Variants in FBLIM1 observed in about 807,000 individuals in gnomAD.
FBLIM1 encodes filamin binding LIM protein 1.
In FBLIM1, 29 loss-of-function variants were observed where a neutral mutation model predicts 37.4. That is an observed-to-expected ratio of 0.77 (90% CI 0.58 to 1.06). FBLIM1 has a LOEUF of 1.06. Among genes scored for constraint, FBLIM1 ranks in the 50% least tolerant of loss-of-function variants. FBLIM1 has a pLI of 0.00. For missense variants in FBLIM1, 449 were observed against 505.6 expected, an observed-to-expected ratio of 0.89 and a Z score of 1.07; for synonymous variants, 193 against 199.0, an observed-to-expected ratio of 0.97 and a Z score of 0.25.
At chr1:15,775,867 T>C (rs757080454) in intron 7 of FBLIM1, among the ~76,000 whole-genome samples, 65 of 152,188 alleles carry the variant, frequency 4.3e-4, no homozygotes, top group Non-Finnish European at 7.9e-4. Context: ...CTTTTCTTCC[T>C]CCAGGATGGA....
At chr1:15,764,900 T>G (rs1447999223) in intron 2 of FBLIM1, 64 bp from the exon 3 acceptor site, 6 of 1,519,676 alleles carry the variant, frequency 3.9e-6, no homozygotes, top group Non-Finnish European at 5.3e-6. Flanking sequence ...GGCTCTCTCC[T>G]CTCGGGGGAG....
intron 8 of FBLIM1, 127 bp downstream of exon 8, chr1:15,777,414 A>T (rs539165445): frequency 1.2e-5 from 7 of 599,562 alleles, no homozygotes. Context: ...GTCTAGTAGG[A>T]GAAACAAAAG....
intron 8 of FBLIM1, among the ~76,000 whole-genome samples, chr1:15,781,217 G>T (rs536910253): frequency 6.6e-6 from 1 of 152,170 alleles, no homozygotes; most frequent in East Asian, 1.9e-4. Flanking sequence ...AATTACCTGG[G>T]TGTGGTGGCG....
At chr1:15,760,890 C>A (rs1032461553) in intron 1 of FBLIM1, among the ~76,000 whole-genome samples, 1 of 152,158 alleles carries the variant, frequency 6.6e-6, no homozygotes, top group African/African-American at 2.4e-5. Context: ...ACAGCCTGCT[C>A]CCAGCTGAAT....
chr1:15,768,456 C>A, intron 4 of FBLIM1, 72 bp from the exon 5 acceptor site: 1 of 1,071,072 alleles, frequency 9.3e-7, no homozygotes, highest in Non-Finnish European at 1.3e-6. Context: ...CCTGTTACCA[C>A]CCAGATGAGG....
At chr1:15,768,971 C>T (rs1375604076) in intron 5 of FBLIM1, among the ~76,000 whole-genome samples, 2 of 152,124 alleles carry the variant, frequency 1.3e-5, no homozygotes, top group Non-Finnish European at 2.9e-5. Flanking sequence ...CAACCTGCCC[C>T]ATCCCCCTAC....
chr1:15,774,378 T>G (rs888891362), intron 6 of FBLIM1, among the ~76,000 whole-genome samples: 2 of 152,226 alleles, frequency 1.3e-5, no homozygotes, highest in Non-Finnish European at 2.9e-5. Context: ...TAACAAGAAA[T>G]GCAGCCATAG....
In FBLIM1 at chr1:15,765,957, C is replaced by A. The variant is rs1171138326; in HGVS notation, c.250+724C>A. Among the ~76,000 whole-genome samples, 1 of 152,162 alleles carries A rather than the reference C, an allele frequency of 6.6e-6. No homozygotes were observed. Among genetic ancestry groups the A allele is most frequent in the Non-Finnish European group, 1.5e-5 (1 of 68,034 alleles). ...TCCTGACTCCGTGAGCTCATCGGAG[C>A]CTCTTTCTCTCACTTCCGCTGAGTC... On this transcript the variant is annotated intron_variant, in intron 3 of 8. Transcript: ENST00000375766. The surrounding 1 kb of genome is among the most constrained non-coding windows in gnomAD (Gnocchi z 5.9).
chr1:15,763,476 C>A (rs2068774194), intron 1 of FBLIM1, among the ~76,000 whole-genome samples: 1 of 150,242 alleles, frequency 6.7e-6, no homozygotes. Flanking sequence ...ACTAAAAATA[C>A]AAAAACAAAA....
chr1:15,762,821 C>G (rs1336827494), intron 1 of FBLIM1, among the ~76,000 whole-genome samples: 1 of 152,256 alleles, frequency 6.6e-6, no homozygotes, highest in Non-Finnish European at 1.5e-5. Flanking sequence ...TTCGTCCACC[C>G]TTGGCAGCAG....
At chr1:15,778,055 G>T (rs1189928930) in intron 8 of FBLIM1, among the ~76,000 whole-genome samples, 6 of 152,190 alleles carry the variant, frequency 3.9e-5, no homozygotes, top group Non-Finnish European at 8.8e-5. Context: ...AAGCCAGACA[G>T]TCCCTAGAAG....
chr1:15,783,898 A>G (rs1328356440), intron 8 of FBLIM1, among the ~76,000 whole-genome samples: 2 of 152,162 alleles, frequency 1.3e-5, no homozygotes, highest in African/African-American at 4.8e-5. Flanking sequence ...TATGTTCTAA[A>G]GGGGTTATTG....
At chr1:15,783,928 A>G (rs1443787619) in intron 8 of FBLIM1, among the ~76,000 whole-genome samples, 1 of 152,198 alleles carries the variant, frequency 6.6e-6, no homozygotes, top group Non-Finnish European at 1.5e-5. Flanking sequence ...GCACTGGCTC[A>G]CACCTGTAAT....
intron 8 of FBLIM1, 107 bp from the exon 9 acceptor site, chr1:15,784,441 C>T: frequency 1.2e-6 from 1 of 823,902 alleles, no homozygotes; most frequent in Non-Finnish European, 2.0e-6. Flanking sequence ...TTAGGAAGGG[C>T]ATCCACTCAT....
intron 8 of FBLIM1, among the ~76,000 whole-genome samples, chr1:15,781,119 A>G (rs1002003339): frequency 1.3e-5 from 2 of 152,104 alleles, no homozygotes; most frequent in Non-Finnish European, 2.9e-5. Flanking sequence ...TGGTGATCCC[A>G]GCACTTTGGG....
At chr1:15,764,900 T>A (rs1447999223) in intron 2 of FBLIM1, 64 bp from the exon 3 acceptor site, 1 of 1,519,676 alleles carries the variant, frequency 6.6e-7, no homozygotes, top group South Asian at 1.3e-5. Flanking sequence ...GGCTCTCTCC[T>A]CTCGGGGGAG....
intron 8 of FBLIM1, among the ~76,000 whole-genome samples, chr1:15,777,640 C>T (rs2069532497): frequency 6.9e-6 from 1 of 145,628 alleles, no homozygotes; most frequent in South Asian, 2.2e-4. Flanking sequence ...GTGGTGCGAT[C>T]TCAGCTCACT....
At position 15,785,008 on chromosome 1, in the gene FBLIM1, G is replaced by A. The variant is rs531087845; in HGVS notation, c.*347G>A. On this transcript the variant is annotated 3_prime_UTR_variant, in exon 9 of 9. Transcript: ENST00000375766. ...CCAGCCTCGCCTGTGGGGTTGAGCT[G>A]TTTGAGGACAAACTCCAAGGTCCCT... is the stretch of plus-strand genomic sequence containing the variant. 14 of 199,630 alleles carry A rather than the reference G, an allele frequency of 7.0e-5. No individual in the cohort carries two copies. In the East Asian group the frequency reaches 1.4e-3, roughly 20 times the overall value. 12.4% of individuals were successfully genotyped at this position (199,630 alleles called of 1,614,324 possible).
chr1:15,770,528 C>G lies in FBLIM1; in HGVS notation c.661C>G (p.Gln221Glu). 1 of 1,613,984 alleles carries G rather than the reference C, an allele frequency of 6.2e-7. No homozygotes were observed. Among genetic ancestry groups the G allele is most frequent in the Non-Finnish European group, 8.5e-7 (1 of 1,180,022 alleles). ...CACCTGCCGCCGCCAGCTGGCTGGG[C>G]AGAGCTTCTACCAGAAGGATGGGCG... is the stretch of plus-strand genomic sequence containing the variant. ...CRTCRRQLAG[Q>E]SFYQKDGRPL... The change falls in exon 6 of 9, where the codon CAG (glutamine) becomes GAG (glutamate). Residue 221 changes from glutamine to glutamate, a missense_variant. Gln to Glu is a conservative substitution (Grantham distance 29, BLOSUM62 2). Coordinates refer to ENST00000375766, the MANE Select transcript of FBLIM1 (RefSeq NM_017556.4).
Sources: gnomAD v4.1 joint callset for allele counts (sites outside exome capture counted in the v4.1 genomes callset) on GRCh38, gnomAD v4.1.1 for gene constraint, Gnocchi (gnomAD v3.1) non-coding constraint, MANE v1.5 for transcripts, NCBI Gene and HGNC (gene_info 2026-07-23, HGNC 2026-07-21) for gene names.